TMEM272: variants seen among roughly 807,000 people sequenced by gnomAD.
TMEM272 encodes the protein long intergenic non-protein coding RNA 282.
A neutral mutation model predicts 3.7 loss-of-function variants in TMEM272; 8 were observed. The ratio of observed to expected loss-of-function variants is 2.17; its 90% CI spans 1.27 to 3.91. TMEM272 has a LOEUF of 3.91. Among genes scored for constraint, TMEM272 ranks in the 30% most tolerant of loss-of-function variants. TMEM272 has a pLI of 0.00. For missense variants in TMEM272, 166 were observed against 91.5 expected (o/e 1.81, Z -3.32); for synonymous variants, 63 against 39.8 (o/e 1.58, Z -2.20).
the TMEM272 span, among the ~76,000 whole-genome samples, chr13:51,870,468 A>G: frequency 0.12 from 17,671 of 152,256 alleles, 1,149 homozygotes; most frequent in African/African-American, 0.17. Context: ...AATGAAAGAG[A>G]AGAGGAGGGG....
the TMEM272 span, among the ~76,000 whole-genome samples, chr13:51,911,498 C>A: frequency 6.6e-6 from 1 of 152,216 alleles, no homozygotes; most frequent in Admixed American, 6.5e-5. Context: ...CAGATGATGC[C>A]CTGCCCTGCA....
At chr13:51,924,806 G>A in the TMEM272 span, among the ~76,000 whole-genome samples, 1,032 of 151,938 alleles carry the variant, frequency 6.8e-3, 7 homozygotes, top group African/African-American at 0.023. Context: ...TTCCCCTCCC[G>A]AGCAAATCCC....
intron 2 of TMEM272, among the ~76,000 whole-genome samples, chr13:51,830,575 G>A (rs1308798003): frequency 1.3e-5 from 2 of 152,166 alleles, no homozygotes; most frequent in Non-Finnish European, 2.9e-5. Context: ...TAAACGCAGG[G>A]TCTGGCACAT....
At chr13:51,826,812 C>T (rs73494174) in intron 2 of TMEM272, among the ~76,000 whole-genome samples, 187 bp from the exon 3 acceptor site, 10,044 of 152,320 alleles carry the variant, frequency 0.066, 470 homozygotes, top group African/African-American at 0.11. Flanking sequence ...AAGACTTGCA[C>T]TTCTCAGAGA....
chr13:51,835,983 C>T (rs1044202557), intron 2 of TMEM272, among the ~76,000 whole-genome samples: 3 of 152,108 alleles, frequency 2.0e-5, no homozygotes, highest in African/African-American at 7.2e-5. Context: ...CTAATAAAGC[C>T]TTTGGGTCCA....
At chr13:51,917,766 G>A in the TMEM272 span, among the ~76,000 whole-genome samples, 1 of 152,188 alleles carries the variant, frequency 6.6e-6, no homozygotes, top group Admixed American at 6.5e-5. Flanking sequence ...GATGACAAAA[G>A]TGCCTGCAGC....
chr13:51,831,108 C>T (rs911714584), intron 2 of TMEM272, among the ~76,000 whole-genome samples: 3 of 152,142 alleles, frequency 2.0e-5, no homozygotes, highest in Non-Finnish European at 2.9e-5. Context: ...GTACAAATGG[C>T]GCCTGGAAAT....
rs1359373890 is a variant in TMEM272 at position 51,815,885 on chromosome 13, C to G, written c.*866G>C. 3.3e-5 allele frequency: 5 copies of G among 152,212 alleles called. No individual in the cohort carries two copies. Among genetic ancestry groups the G allele is most frequent in the African/African-American group, 4.8e-5 (2 of 41,446 alleles). 9.4% of individuals were successfully genotyped at this position (152,212 alleles called of 1,614,324 possible). Reference sequence around the variant, plus strand: ...GAGGAGCTATTATTCGATATTTAAGCTCAGAAACCAAAAACAGCTACACTG... The same window carrying G: ...GAGGAGCTATTATTCGATATTTAAGGTCAGAAACCAAAAACAGCTACACTG... On this transcript the variant is annotated 3_prime_UTR_variant, in exon 5 of 5. Transcript: ENST00000629372.
chr13:51,905,784 C>T, the TMEM272 span, among the ~76,000 whole-genome samples: 2 of 152,230 alleles, frequency 1.3e-5, no homozygotes, highest in Non-Finnish European at 2.9e-5. Flanking sequence ...TCATTAGCCT[C>T]GGTTAATGTC....
chr13:51,932,782 T>G, the TMEM272 span: 1 of 152,260 alleles, frequency 6.6e-6, no homozygotes, highest in Non-Finnish European at 1.5e-5. Context: ...AAGGTTATTT[T>G]CTATAAAATT....
chr13:51,875,893 C>T, the TMEM272 span, among the ~76,000 whole-genome samples: 1 of 152,212 alleles, frequency 6.6e-6, no homozygotes, highest in Non-Finnish European at 1.5e-5. Context: ...AGTGCAAACC[C>T]CAACTCCAAA....
chr13:51,914,189 ATCACCAGTTCCAC>A, the TMEM272 span, among the ~76,000 whole-genome samples: 2 of 152,236 alleles, frequency 1.3e-5, no homozygotes, highest in Admixed American at 1.3e-4. Context: ...AGGAACAACA[ATCACCAGTTCCAC>A]GGGTGCTACA....
the TMEM272 span, among the ~76,000 whole-genome samples, chr13:51,905,260 G>A: frequency 2.0e-5 from 3 of 152,314 alleles, no homozygotes; most frequent in Non-Finnish European, 4.4e-5. Context: ...CACTGGACGA[G>A]GGCCCAGAGG....
chr13:51,817,062 C>T lies in TMEM272; in HGVS notation c.253G>A (p.Ala85Thr), dbSNP rs1249943466. The change falls in exon 5 of 5, where the codon GCC becomes ACC. Residue 85 changes from alanine to threonine, a missense_variant. Transcript: ENST00000629372. ...STRMRRLLSK[A>T]VVIDDDDDDE... ...TCGTCATCGTCATCAATCACCACGGCCTTGGACAGCAGCCGCCTCATCCTG... is the reference window on the plus strand; with the variant it reads ...TCGTCATCGTCATCAATCACCACGGTCTTGGACAGCAGCCGCCTCATCCTG... 5 of 702,844 alleles carry T rather than the reference C, an allele frequency of 7.1e-6. No individual in the cohort carries two copies. The highest frequency in any genetic ancestry group is 4.0e-5 in the Admixed American group (2 of 49,992). 43.5% of individuals were successfully genotyped at this position (702,844 alleles called of 1,614,324 possible). A position where few individuals can be genotyped will look rare whatever the true frequency, so the allele number is the denominator to read the frequency against.
the TMEM272 span, among the ~76,000 whole-genome samples, chr13:51,891,414 C>T: frequency 6.6e-6 from 1 of 152,188 alleles, no homozygotes; most frequent in Admixed American, 6.5e-5. Flanking sequence ...TAAAGTTTAG[C>T]AATTTTTATG....
the TMEM272 span, among the ~76,000 whole-genome samples, chr13:51,884,695 C>T: frequency 6.6e-6 from 1 of 152,164 alleles, no homozygotes; most frequent in African/African-American, 2.4e-5. Flanking sequence ...CTCTTCCCCT[C>T]GCTAGCTGTG....
chr13:51,870,825 T>C, the TMEM272 span, among the ~76,000 whole-genome samples: 1 of 152,154 alleles, frequency 6.6e-6, no homozygotes, highest in African/African-American at 2.4e-5. Flanking sequence ...ACAGGAAGAC[T>C]ACGTTTTCAA....
chr13:51,889,291 T>C, the TMEM272 span, among the ~76,000 whole-genome samples: 2 of 152,298 alleles, frequency 1.3e-5, no homozygotes, highest in East Asian at 3.9e-4. Flanking sequence ...ATTGTGTCCT[T>C]CTAAAATTCA....
At chr13:51,866,049 G>A in the TMEM272 span, 32 of 1,595,084 alleles carry the variant, frequency 2.0e-5, no homozygotes, top group African/African-American at 2.3e-4. Context: ...AGAGGGCAGC[G>A]CTTGCTGGCC....
Sources: gnomAD v4.1 joint callset for allele counts (sites outside exome capture counted in the v4.1 genomes callset) on GRCh38, gnomAD v4.1.1 for gene constraint, MANE v1.5 for transcripts, NCBI Gene and HGNC (gene_info 2026-07-23, HGNC 2026-07-21) for gene names.